Variants in TEX36 observed in about 807,000 individuals in gnomAD.
TEX36 encodes testis-expressed protein 36.
In TEX36, 12 loss-of-function variants were observed where a neutral mutation model predicts 13.6. The observed-to-expected ratio is 0.88, with a 90% CI of 0.56 to 1.43. The LOEUF (loss-of-function observed/expected upper bound fraction) is 1.43. Among genes scored for constraint, TEX36 ranks in the 40% most tolerant of loss-of-function variants. The pLI is 0.00. For missense variants in TEX36, 224 were observed against 228.3 expected (o/e 0.98, Z 0.12); for synonymous variants, 93 against 83.0 (o/e 1.12, Z -0.65).
At chr10:125,675,712 C>G (rs1847300803) in intron 1 of TEX36, among the ~76,000 whole-genome samples, 1 of 152,168 alleles carries the variant, frequency 6.6e-6, no homozygotes. Flanking sequence ...TGGGTCATGC[C>G]AACCACCTAG....
chr10:125,661,861 G>A lies in TEX36; in HGVS notation c.168C>T (p.Tyr56=), dbSNP rs1392942675. 3 of 1,551,768 alleles carry A rather than the reference G, an allele frequency of 1.9e-6. No individual in the cohort carries two copies. The highest frequency in any genetic ancestry group is 8.7e-7 in the Non-Finnish European group (1 of 1,147,030). Residue 56 remains tyrosine (Y), a synonymous_variant, in exon 2 of 4, where the codon TAC becomes TAT. Coordinates refer to ENST00000368821, the MANE Select transcript of TEX36 (RefSeq NM_001128202.3). ...CAGGACTCACCTTCTCCCGGACTTT[G>A]TATATGGGCGGCAGCTTCCCCTCCG... is the stretch of plus-strand genomic sequence containing the variant. ...RQAEGKLPPI[Y]KVREKQAVNN... is the part of the protein sequence containing the mutation.
chr10:125,591,746 C>T (rs1846023525), intron 3 of TEX36, among the ~76,000 whole-genome samples: 1 of 152,126 alleles, frequency 6.6e-6, no homozygotes, highest in African/African-American at 2.4e-5. Flanking sequence ...GGAAAATATC[C>T]CTCAGACTCA....
chr10:125,675,067 G>C (rs1415220510), intron 1 of TEX36, among the ~76,000 whole-genome samples: 6 of 149,328 alleles, frequency 4.0e-5, no homozygotes, highest in Non-Finnish European at 8.9e-5. Flanking sequence ...TCCCCACAGG[G>C]GTTCAGTCCC....
chr10:125,618,512 A>G (rs1269702957), downstream of TEX36, among the ~76,000 whole-genome samples: 1 of 151,668 alleles, frequency 6.6e-6, no homozygotes, highest in Non-Finnish European at 1.5e-5. Context: ...AACAGACAGG[A>G]CCCTCAGCTG....
chr10:125,631,017 CTT>C (rs1287760947), intron 3 of TEX36, among the ~76,000 whole-genome samples: 1 of 152,160 alleles, frequency 6.6e-6, no homozygotes, highest in African/African-American at 2.4e-5. Context: ...CTTCTGCCTG[CTT>C]TTTAAGAAAG....
chr10:125,661,143 C>G, intron 2 of TEX36, 42 bp from the exon 3 acceptor site: 2 of 1,474,974 alleles, frequency 1.4e-6, no homozygotes, highest in African/African-American at 1.4e-5. Context: ...ACATTAGAAC[C>G]CTGCATGCTT....
intron 1 of TEX36, among the ~76,000 whole-genome samples, chr10:125,681,181 G>A (rs907676268): frequency 3.9e-5 from 6 of 152,160 alleles, no homozygotes; most frequent in African/African-American, 1.4e-4. Context: ...TCACTGTTTG[G>A]AGCTGGAGTC....
chr10:125,603,869 G>C lies in TEX36; in HGVS notation c.265-26995C>G, dbSNP rs191513608. Among the ~76,000 whole-genome samples, 400 of 152,232 alleles carry C rather than the reference G, an allele frequency of 2.6e-3. 4 individuals are homozygous for C. The highest frequency in any genetic ancestry group is 9.0e-3 in the African/African-American group (375 of 41,538). ...AGTGCCCCATGTCACCAAGCAAAGA[G>C]GGAAAGGAGGCACTGGCTGGGCCCA... On this transcript the variant is annotated intron_variant, in intron 3 of 3. Transcript: ENST00000532135.
chr10:125,627,454 T>C (rs1846502025), intron 3 of TEX36, among the ~76,000 whole-genome samples: 1 of 152,200 alleles, frequency 6.6e-6, no homozygotes, highest in Non-Finnish European at 1.5e-5. Flanking sequence ...AATATTTAAG[T>C]CATGCTTAAA....
intron 3 of TEX36, among the ~76,000 whole-genome samples, chr10:125,606,110 G>A (rs1191065567): frequency 6.6e-6 from 1 of 152,030 alleles, no homozygotes; most frequent in Non-Finnish European, 1.5e-5. Context: ...TAGACTGTTG[G>A]GCCGTGTTCT....
chr10:125,632,251 T>C (rs953475910), intron 3 of TEX36, among the ~76,000 whole-genome samples: 1 of 152,020 alleles, frequency 6.6e-6, no homozygotes, highest in African/African-American at 2.4e-5. Context: ...TTGGACTGGC[T>C]GAGTTGATGT....
intron 3 of TEX36, among the ~76,000 whole-genome samples, chr10:125,600,580 C>T (rs576011166): frequency 1.3e-5 from 2 of 152,260 alleles, no homozygotes; most frequent in South Asian, 4.2e-4. Flanking sequence ...GGATCTAGCC[C>T]TACATGCTAC....
chr10:125,578,432 G>C (rs982659104), intron 3 of TEX36: 1 of 152,182 alleles, frequency 6.6e-6, no homozygotes, highest in African/African-American at 2.4e-5. Context: ...TTAAATTGTC[G>C]TCAGTTAACA....
intron 3 of TEX36, among the ~76,000 whole-genome samples, chr10:125,614,349 C>A (rs919772520): frequency 6.6e-6 from 1 of 152,208 alleles, no homozygotes; most frequent in East Asian, 1.9e-4. Context: ...GACATGAAGT[C>A]CTTGCCCATG....
At chr10:125,675,253 CCAGTCTCTCCAGCACCAG>C (rs1847293628) in intron 1 of TEX36, among the ~76,000 whole-genome samples, 1 of 152,196 alleles carries the variant, frequency 6.6e-6, no homozygotes, top group Non-Finnish European at 1.5e-5. Context: ...TCCACATGGT[CCAGTCTCTCCAGCACCAG>C]CAGGGTAAAA....
chr10:125,614,165 C>T (rs369380198), intron 3 of TEX36, among the ~76,000 whole-genome samples: 14 of 151,978 alleles, frequency 9.2e-5, no homozygotes, highest in African/African-American at 3.1e-4. Context: ...GAGTTCATTG[C>T]AGATTCTGGA....
chr10:125,615,309 C>A (rs1298661311), intron 3 of TEX36, among the ~76,000 whole-genome samples: 3 of 152,186 alleles, frequency 2.0e-5, no homozygotes, highest in African/African-American at 2.4e-5. Context: ...GCCAGAACTT[C>A]CAACACTATG....
chr10:125,668,500 C>G (rs916662525), intron 1 of TEX36, among the ~76,000 whole-genome samples: 33 of 151,604 alleles, frequency 2.2e-4, no homozygotes, highest in African/African-American at 6.1e-4. Context: ...AAAAAGATCT[C>G]CAACTTTTTA....
At chr10:125,594,414 T>C (rs1013663266) in intron 3 of TEX36, among the ~76,000 whole-genome samples, 1 of 152,196 alleles carries the variant, frequency 6.6e-6, no homozygotes, top group African/African-American at 2.4e-5. Flanking sequence ...TTCATACTGA[T>C]GAAAAGTGTA....
Sources: allele counts gnomAD v4.1 joint callset (sites outside exome capture counted in the v4.1 genomes callset), GRCh38; gene constraint gnomAD v4.1.1; transcripts MANE v1.5; gene names NCBI Gene and HGNC (gene_info 2026-07-23, HGNC 2026-07-21).